Variants in ACOT11 observed in about 807,000 individuals in gnomAD.
The protein encoded by ACOT11 is acyl-coenzyme A thioesterase 11.
ACOT11 carries 69 observed loss-of-function variants against 77.5 expected under a neutral mutation model. The ratio of observed to expected loss-of-function variants is 0.89; its 90% CI spans 0.73 to 1.09. The LOEUF (loss-of-function observed/expected upper bound fraction) is 1.09. Ranked by LOEUF, ACOT11 falls within the 50% of genes least tolerant of loss-of-function variation. The probability of loss-of-function intolerance (pLI) is 0.00; values close to 1 mark genes in which losing one functional copy is unlikely to be tolerated. For missense variants in ACOT11, 766 were observed against 813.7 expected (o/e 0.94, Z 0.71); for synonymous variants, 279 against 313.0 (o/e 0.89, Z 1.15).
chr1:54,607,809 C>A lies in ACOT11; in HGVS notation c.1503-133C>A. On this transcript the variant is annotated intron_variant, in intron 14 of 15. Coordinates refer to ENST00000343744, the MANE Select transcript of ACOT11 (RefSeq NM_147161.4). The surrounding 1 kb of genome is among the most constrained non-coding windows in gnomAD (Gnocchi z 4.5). ...AGCCCCGCATTGGGGCTTTAAGAGTCGATGTGCCTTGCATCCCCCTGGTGA... is the reference window on the plus strand; with the variant it reads ...AGCCCCGCATTGGGGCTTTAAGAGTAGATGTGCCTTGCATCCCCCTGGTGA... 2 of 1,231,728 alleles carry A rather than the reference C, an allele frequency of 1.6e-6. No individual in the cohort carries two copies. The highest frequency in any genetic ancestry group is 2.3e-6 in the Non-Finnish European group (2 of 882,174). The allele number at this position is 1,231,728 out of a possible 1,614,324, so 76.3% of individuals were successfully genotyped here.
At chr1:54,580,166 C>T (rs114998421) in intron 1 of ACOT11, among the ~76,000 whole-genome samples, 1 of 152,106 alleles carries the variant, frequency 6.6e-6, no homozygotes, top group Non-Finnish European at 1.5e-5. Flanking sequence ...AGGTTATCAA[C>T]GTTAGTTGTG....
intron 3 of ACOT11, among the ~76,000 whole-genome samples, chr1:54,587,620 G>A (rs1288423603): frequency 8.5e-6 from 1 of 117,886 alleles, no homozygotes; most frequent in African/African-American, 3.3e-5. Flanking sequence ...GTGCAATGAT[G>A]TGATGATCTT....
rs77936270 is a variant in ACOT11, at chr1:54,572,872, C to T, written c.34-11783C>T. On this transcript the variant is annotated intron_variant, in intron 1 of 15. Coordinates refer to ENST00000343744, the MANE Select transcript of ACOT11 (RefSeq NM_147161.4). The stretch of plus-strand genomic sequence containing the variant: ...GCAGTGTGGCGGGCTGAGATTTCTG[C>T]ACCTGAGAGAGGCCTGTCTAGCTGA... 1,616 of 956,168 alleles carry T rather than the reference C, an allele frequency of 1.7e-3. 21 individuals carry two copies. In the African/African-American group the frequency reaches 0.027, roughly 16 times the overall value. The allele number at this position is 956,168 out of a possible 1,614,324, so 59.2% of individuals were successfully genotyped here.
intron 1 of ACOT11, among the ~76,000 whole-genome samples, chr1:54,550,767 G>C (rs1252885148): frequency 1.3e-5 from 2 of 151,876 alleles, no homozygotes. Context: ...AGGCTGCAGT[G>C]AGCCAAGATC....
At chr1:54,621,227 C>T (rs1196921690) in intron 15 of ACOT11, among the ~76,000 whole-genome samples, 3 of 151,234 alleles carry the variant, frequency 2.0e-5, no homozygotes, top group African/African-American at 7.3e-5. Context: ...GAGACCGAGG[C>T]AGGCGGATCA....
chr1:54,553,467 C>CA (rs1653142919), intron 1 of ACOT11, among the ~76,000 whole-genome samples: 1 of 148,014 alleles, frequency 6.8e-6, no homozygotes, highest in Non-Finnish European at 1.5e-5. Context: ...GACTCTGTCT[C>CA]AAAAAAACAT....
chr1:54,591,046 T>C (rs1654695069), intron 3 of ACOT11, among the ~76,000 whole-genome samples: 2 of 152,160 alleles, frequency 1.3e-5, no homozygotes, highest in South Asian at 2.1e-4. Flanking sequence ...ACATAATATA[T>C]ACACTTTCTC....
chr1:54,586,814 A>G (rs1380059010), intron 3 of ACOT11, among the ~76,000 whole-genome samples: 3 of 151,988 alleles, frequency 2.0e-5, no homozygotes, highest in African/African-American at 7.3e-5. Context: ...GCCTCCCCAT[A>G]GCTTTGCCCA....
chr1:54,585,690 T>C, intron 2 of ACOT11, 145 bp from the exon 3 acceptor site: 1 of 683,278 alleles, frequency 1.5e-6, no homozygotes, highest in Non-Finnish European at 2.5e-6. Flanking sequence ...CGGTGAGGGG[T>C]GTAAGGAATG....
chr1:54,604,365 A>C lies in ACOT11; in HGVS notation c.1172A>C (p.Asn391Thr), dbSNP rs1351860853. 2 of 1,613,804 alleles carry C rather than the reference A, an allele frequency of 1.2e-6. 1 individual carries two copies. Among genetic ancestry groups the C allele is most frequent in the South Asian group, 2.2e-5 (2 of 91,060 alleles). The change falls in exon 12 of 16, where the codon AAC becomes ACC. Residue 391 changes from asparagine (N) to threonine (T), a missense_variant. Physicochemically the swap from Asn to Thr is moderately conservative, Grantham distance 65. Transcript: ENST00000343744. ...PSNQVYLSYN[N>T]VSSLKMLVAK... ...TTTCAGGTGTACCTGAGCTACAATAACGTCTCCTCCTTGAAGATGCTTGTG... is the reference window on the plus strand; with the variant it reads ...TTTCAGGTGTACCTGAGCTACAATACCGTCTCCTCCTTGAAGATGCTTGTG...
At chr1:54,552,984 T>C (rs569023592) in intron 1 of ACOT11, among the ~76,000 whole-genome samples, 1,800 of 151,456 alleles carry the variant, frequency 0.012, 31 homozygotes, top group African/African-American at 0.041. Flanking sequence ...TGTGCCACCA[T>C]GCCTGGCTAA....
At position 54,594,033 on chromosome 1, in the gene ACOT11, C is replaced by T. The variant is rs761663984; in HGVS notation, c.465C>T (p.Ile155=). 2 of 1,613,588 alleles carry T rather than the reference C, an allele frequency of 1.2e-6. No homozygotes were observed. Among genetic ancestry groups the T allele is most frequent in the South Asian group, 2.2e-5 (2 of 91,056 alleles). ...ALATFVARRE[I]TKVKLKQITP... ...CCACCTTCGTGGCCCGCCGAGAGATCACCAAGGTAACTGGGTGCGCCTGGC... is the reference window on the plus strand; with the variant it reads ...CCACCTTCGTGGCCCGCCGAGAGATTACCAAGGTAACTGGGTGCGCCTGGC... The change falls in exon 5 of 16, where the codon ATC becomes ATT. Residue 155 remains isoleucine, a synonymous_variant. Coordinates refer to ENST00000343744, the MANE Select transcript of ACOT11 (RefSeq NM_147161.4).
intron 13 of ACOT11, among the ~76,000 whole-genome samples, chr1:54,605,768 C>T (rs1644017247): frequency 6.6e-6 from 1 of 152,088 alleles, no homozygotes; most frequent in African/African-American, 2.4e-5. Context: ...ACATTTGTTC[C>T]TCCAAATTTA....
At chr1:54,579,840 A>G (rs1654242304) in intron 1 of ACOT11, among the ~76,000 whole-genome samples, 1 of 152,196 alleles carries the variant, frequency 6.6e-6, no homozygotes, top group Non-Finnish European at 1.5e-5. Flanking sequence ...GAACCTCTCA[A>G]ACAAGCTCGT....
intron 3 of ACOT11, 109 bp from the exon 4 acceptor site, chr1:54,592,437 T>G (rs748225162): frequency 2.2e-5 from 23 of 1,068,264 alleles, no homozygotes; most frequent in Non-Finnish European, 3.2e-5. Flanking sequence ...CTGCAAGCCA[T>G]GAAGTTATCC....
At chr1:54,564,821 G>T (rs1329101963) in intron 1 of ACOT11, among the ~76,000 whole-genome samples, 1 of 152,154 alleles carries the variant, frequency 6.6e-6, no homozygotes, top group African/African-American at 2.4e-5. Context: ...GGTGGGGGGT[G>T]ATAATGGTCC....
At chr1:54,614,187 G>C (rs919278466), downstream of ACOT11, among the ~76,000 whole-genome samples, 2 of 152,174 alleles carry the variant, frequency 1.3e-5, no homozygotes, top group African/African-American at 4.8e-5. Flanking sequence ...GTAAACTGTA[G>C]AGCACTGTGC....
Position 54,604,397 on chromosome 1 carries a change from G to C in ACOT11, c.1204G>C (p.Asp402His). The change falls in exon 12 of 16, where the codon GAC (aspartate) becomes CAC (histidine). Residue 402 changes from aspartate (D) to histidine (H), a missense_variant. Asp to His is a moderately conservative substitution (Grantham distance 81). Transcript: ENST00000343744. ...VSSLKMLVAK[D>H]NWVLSSEISQ... The stretch of plus-strand genomic sequence containing the variant: ...CTCCTTGAAGATGCTTGTGGCCAAG[G>C]ACAACTGGGTGCTGTCCTCGGAGAT... 1 of 1,614,014 alleles carries C rather than the reference G, an allele frequency of 6.2e-7. No homozygotes were observed. The highest frequency in any genetic ancestry group is 8.5e-7 in the Non-Finnish European group (1 of 1,180,002).
At chr1:54,585,793 G>A (rs767188017) in intron 2 of ACOT11, 42 bp from the exon 3 acceptor site, 18 of 1,608,520 alleles carry the variant, frequency 1.1e-5, no homozygotes, top group East Asian at 1.1e-4. Flanking sequence ...GCCTGTGATC[G>A]GGGGAGGCTG....
Sources: allele counts gnomAD v4.1 joint callset (sites outside exome capture counted in the v4.1 genomes callset), GRCh38; gene constraint gnomAD v4.1.1; non-coding constraint Gnocchi (gnomAD v3.1); transcripts MANE v1.5; gene names NCBI Gene and HGNC (gene_info 2026-07-23, HGNC 2026-07-21).